Variants in RGL1 observed in about 807,000 individuals in gnomAD.
RGL1 encodes the protein ral guanine nucleotide dissociation stimulator like 1.
In RGL1, 24 loss-of-function variants were observed where a neutral mutation model predicts 95.2. The observed-to-expected ratio is 0.25, with a 90% confidence interval of 0.18 to 0.35. The LOEUF (loss-of-function observed/expected upper bound fraction) is 0.35. RGL1 is among the 10% of genes least tolerant of loss of function. RGL1 has a pLI of 1.00. For missense variants in RGL1, 715 were observed against 936.3 expected, an observed-to-expected ratio of 0.76 and a Z score of 3.08; for synonymous variants, 329 against 344.9, an observed-to-expected ratio of 0.95 and a Z score of 0.51.
At chr1:183,874,307 AC>A (rs1305834494) in intron 4 of RGL1, among the ~76,000 whole-genome samples, 1 of 152,150 alleles carries the variant, frequency 6.6e-6, no homozygotes, top group African/African-American at 2.4e-5. Flanking sequence ...CATGACCTTT[AC>A]TATTTTTCCT....
At chr1:183,707,348 A>T (rs191572548) in intron 1 of RGL1, among the ~76,000 whole-genome samples, 4 of 152,216 alleles carry the variant, frequency 2.6e-5, no homozygotes, top group South Asian at 2.1e-4. Context: ...AAGAGGTAGG[A>T]TCTTCTGGAA....
intron 1 of RGL1, among the ~76,000 whole-genome samples, chr1:183,663,049 A>G (rs2102030463): frequency 6.6e-6 from 1 of 151,680 alleles, no homozygotes; most frequent in Non-Finnish European, 1.5e-5. Flanking sequence ...TACACCTTAT[A>G]CAAAAATTAA....
chr1:183,905,909 G>A (rs1025051970), intron 13 of RGL1, among the ~76,000 whole-genome samples: 24 of 152,248 alleles, frequency 1.6e-4, no homozygotes, highest in African/African-American at 4.8e-4. Flanking sequence ...AACACAGCCC[G>A]TTCATTTACA....
rs537751695 is a variant in RGL1, at chr1:183,913,182, CTTTTTTTTTTTTT to C, written c.1749+930_1749+942del. ...TAAGATCTTAATTAAGACCAGTCTT[CTTTTTTTTTTTTT>C]TTTTTTTTTTTTTTTGAGATGAAGT... is the stretch of plus-strand genomic sequence containing the variant. On this transcript the variant is annotated intron_variant, in intron 15 of 17. Transcript: ENST00000360851. Among the ~76,000 whole-genome samples, 62 of 68,272 alleles carry C rather than the reference CTTTTTTTTTTTTT, an allele frequency of 9.1e-4. 2 individuals carry two copies. The highest frequency in any genetic ancestry group is 6.3e-4 in the South Asian group (1 of 1,598). The allele number at this position is 68,272 out of a possible 152,430, so 44.8% of individuals were successfully genotyped here. A position where few individuals can be genotyped will look rare whatever the true frequency, so the allele number is the denominator to read the frequency against.
chr1:183,641,700 G>C (rs1012685860), intron 1 of RGL1, among the ~76,000 whole-genome samples: 1 of 152,000 alleles, frequency 6.6e-6, no homozygotes, highest in Admixed American at 6.6e-5. Flanking sequence ...TTTTTTCTAT[G>C]CTCTGCAATA....
intron 17 of RGL1, among the ~76,000 whole-genome samples, chr1:183,923,657 C>G (rs2102763558): frequency 6.6e-6 from 1 of 152,238 alleles, no homozygotes; most frequent in African/African-American, 2.4e-5. Context: ...CTGCTGGTTC[C>G]TCATATATCA....
chr1:183,688,492 A>C (rs1572278435), intron 1 of RGL1, among the ~76,000 whole-genome samples: 1 of 152,090 alleles, frequency 6.6e-6, no homozygotes, highest in East Asian at 1.9e-4. Context: ...AAGGACTTTC[A>C]TGTCTTTAAA....
intron 1 of RGL1, among the ~76,000 whole-genome samples, chr1:183,731,603 A>G (rs900927784): frequency 6.6e-6 from 1 of 152,204 alleles, no homozygotes; most frequent in Admixed American, 6.6e-5. Flanking sequence ...TAACATGGCC[A>G]CAATTCTGTG....
intron 1 of RGL1, among the ~76,000 whole-genome samples, chr1:183,689,999 G>A (rs1653847375): frequency 6.6e-6 from 1 of 152,222 alleles, no homozygotes; most frequent in Admixed American, 6.5e-5. Flanking sequence ...ACTTGACTGT[G>A]TGTCTATGAG....
intron 1 of RGL1, among the ~76,000 whole-genome samples, chr1:183,731,750 G>A (rs946521638): frequency 6.6e-6 from 1 of 152,134 alleles, no homozygotes; most frequent in Admixed American, 6.6e-5. Flanking sequence ...TCATCTGGAT[G>A]GGGAATTAAT....
chr1:183,794,582 C>T (rs1660602488), intron 2 of RGL1, among the ~76,000 whole-genome samples: 2 of 152,174 alleles, frequency 1.3e-5, no homozygotes, highest in African/African-American at 4.8e-5. Context: ...CTTGTTCACA[C>T]TGTTCATTTA....
In RGL1 at chr1:183,794,324, G is replaced by A. The variant is rs150587924; in HGVS notation, c.133-12051G>A. On this transcript the variant is annotated intron_variant, in intron 2 of 18. Coordinates refer to the RGL1 transcript ENST00000304685. ...GGATGAAGAAGAGGTTGCTTAATAG[G>A]TGCAAAGGTACAGTTGGAAGGATTA... 2.7e-4 allele frequency among the ~76,000 whole-genome samples: 41 copies of A among 152,278 alleles called. No individual in the cohort carries two copies. In the East Asian group the frequency reaches 7.9e-3, roughly 29 times the overall value.
intron 2 of RGL1, among the ~76,000 whole-genome samples, chr1:183,794,055 GACAC>G (rs147087444): frequency 0.2 from 28,515 of 145,854 alleles, 2,758 homozygotes; most frequent in Middle Eastern, 0.22. Flanking sequence ...AGAAAATGTG[GACAC>G]ACACACACAC....
chr1:183,655,204 T>A (rs982737144), intron 1 of RGL1, among the ~76,000 whole-genome samples: 2 of 152,260 alleles, frequency 1.3e-5, no homozygotes, highest in African/African-American at 2.4e-5. Context: ...AAGAGACATT[T>A]ACTCAGTTTG....
chr1:183,715,157 A>G (rs1437918004), intron 1 of RGL1, among the ~76,000 whole-genome samples: 1 of 152,142 alleles, frequency 6.6e-6, no homozygotes, highest in African/African-American at 2.4e-5. Context: ...ATACTACCCA[A>G]AAGTTACTGC....
intron 1 of RGL1, among the ~76,000 whole-genome samples, chr1:183,651,686 G>A (rs1650764707): frequency 6.6e-6 from 1 of 152,222 alleles, no homozygotes; most frequent in African/African-American, 2.4e-5. Context: ...CATAGGATTG[G>A]ACATTAGCTT....
At chr1:183,786,073 TTCAATCAA>T (rs1329086161) in intron 2 of RGL1, among the ~76,000 whole-genome samples, 4 of 151,404 alleles carry the variant, frequency 2.6e-5, no homozygotes, top group African/African-American at 4.9e-5. Context: ...GCCAGACCCT[TTCAATCAA>T]TCAATCAATC....
chr1:183,872,930 T>A (rs1203308485), intron 4 of RGL1, among the ~76,000 whole-genome samples: 2 of 152,182 alleles, frequency 1.3e-5, no homozygotes, highest in Non-Finnish European at 2.9e-5. Context: ...GAATTTTTTT[T>A]AAAGTGAAAC....
chr1:183,718,178 G>C (rs1334833873), intron 1 of RGL1, among the ~76,000 whole-genome samples: 1 of 151,086 alleles, frequency 6.6e-6, no homozygotes, highest in Non-Finnish European at 1.5e-5. Flanking sequence ...CCTGGAAGGT[G>C]AAGGTTGCTA....
Sources: gnomAD v4.1 joint callset for allele counts (sites outside exome capture counted in the v4.1 genomes callset) on GRCh38, gnomAD v4.1.1 for gene constraint, MANE v1.5 for transcripts, NCBI Gene and HGNC (gene_info 2026-07-23, HGNC 2026-07-21) for gene names.